The following FMN2 variants were observed in gnomAD, a reference collection of about 807,000 sequenced individuals.
FMN2 encodes the protein formin 2, also known as formin-2.
FMN2 carries 51 observed loss-of-function variants against 142.3 expected under a neutral mutation model. The observed-to-expected ratio is 0.36, with a 90% confidence interval of 0.29 to 0.45. FMN2 has a LOEUF of 0.45. Ranked by LOEUF, FMN2 falls within the 20% of genes least tolerant of loss-of-function variation. The pLI, the probability that FMN2 is intolerant of heterozygous loss-of-function variation, is 1.00. For missense variants in FMN2, 1,936 were observed against 2,122.8 expected, an observed-to-expected ratio of 0.91 and a Z score of 1.73; for synonymous variants, 882 against 869.8, an observed-to-expected ratio of 1.01 and a Z score of -0.25.
At chr1:240,236,061 G>A (rs952231939) in intron 6 of FMN2, among the ~76,000 whole-genome samples, 1 of 152,174 alleles carries the variant, frequency 6.6e-6, no homozygotes, top group Non-Finnish European at 1.5e-5. Context: ...TTTGGAGATA[G>A]ACACAAAGGA....
At chr1:240,309,480 C>G (rs1297822952) in intron 8 of FMN2, among the ~76,000 whole-genome samples, 3 of 152,134 alleles carry the variant, frequency 2.0e-5, no homozygotes, top group Admixed American at 2.0e-4. Context: ...TGCAGGTGCA[C>G]AGTGCGTGGT....
chr1:240,112,070 G>A (rs1661830933), intron 1 of FMN2, among the ~76,000 whole-genome samples: 1 of 151,872 alleles, frequency 6.6e-6, no homozygotes, highest in African/African-American at 2.4e-5. Context: ...AATGACATGG[G>A]CCTTTCCTAG....
chr1:240,210,878 T>A (rs1666664389), intron 5 of FMN2, among the ~76,000 whole-genome samples: 1 of 152,206 alleles, frequency 6.6e-6, no homozygotes, highest in Non-Finnish European at 1.5e-5. Context: ...GGGAAAAATT[T>A]CATTCATGGA....
At chr1:240,124,572 C>T (rs997607418) in intron 2 of FMN2, among the ~76,000 whole-genome samples, 3 of 152,132 alleles carry the variant, frequency 2.0e-5, no homozygotes, top group Non-Finnish European at 2.9e-5. Flanking sequence ...GCCTCTAAAA[C>T]CCAGATGTGT....
chr1:240,214,216 G>C (rs1430989297), intron 6 of FMN2, among the ~76,000 whole-genome samples: 1 of 152,150 alleles, frequency 6.6e-6, no homozygotes, highest in Non-Finnish European at 1.5e-5. Flanking sequence ...AGAATTGTCT[G>C]ATGTAGAACC....
At chr1:240,314,225 A>G (rs1410859836) in intron 8 of FMN2, among the ~76,000 whole-genome samples, 1 of 152,124 alleles carries the variant, frequency 6.6e-6, no homozygotes, top group East Asian at 1.9e-4. Context: ...CACTTTAAGT[A>G]CCAACCTTAA....
At chr1:240,305,551 G>A (rs1316795062) in intron 8 of FMN2, among the ~76,000 whole-genome samples, 1 of 152,190 alleles carries the variant, frequency 6.6e-6, no homozygotes, top group African/African-American at 2.4e-5. Context: ...TAAAGTGGTA[G>A]TTTCCAAGTG....
chr1:240,471,531 C>A (rs1374242035), intron 16 of FMN2: 1 of 152,264 alleles, frequency 6.6e-6, no homozygotes, highest in Non-Finnish European at 1.5e-5. Context: ...CCCGCCACCA[C>A]ACCCAGCTAA....
chr1:240,241,524 C>G (rs1381465410), intron 6 of FMN2, among the ~76,000 whole-genome samples: 3 of 152,142 alleles, frequency 2.0e-5, no homozygotes, highest in African/African-American at 7.2e-5. Context: ...GACAGGAAAT[C>G]CCAGCCTGCC....
At chr1:240,140,117 T>G (rs1297664870) in intron 2 of FMN2, among the ~76,000 whole-genome samples, 1 of 152,178 alleles carries the variant, frequency 6.6e-6, no homozygotes, top group African/African-American at 2.4e-5. Flanking sequence ...TCTCACTTTC[T>G]TTCTTCCTCT....
At chr1:240,260,312 T>A (rs936134810) in intron 7 of FMN2, among the ~76,000 whole-genome samples, 2 of 152,210 alleles carry the variant, frequency 1.3e-5, no homozygotes, top group South Asian at 2.1e-4. Flanking sequence ...CTTTTAGTTA[T>A]TTAAGGAATC....
At chr1:240,323,172 T>C (rs1671037964) in intron 8 of FMN2, among the ~76,000 whole-genome samples, 1 of 151,420 alleles carries the variant, frequency 6.6e-6, no homozygotes, top group Admixed American at 6.6e-5. Context: ...TCTCTCTTTC[T>C]CTCTCTTTTC....
chr1:240,243,488 T>C (rs1252367814), intron 6 of FMN2, among the ~76,000 whole-genome samples: 1 of 152,212 alleles, frequency 6.6e-6, no homozygotes, highest in Non-Finnish European at 1.5e-5. Flanking sequence ...GTTTATTTCT[T>C]ATCGCCTTCT....
intron 16 of FMN2, 122 bp from the exon 17 acceptor site, chr1:240,472,250 A>G (rs1676836858): frequency 1.4e-6 from 1 of 697,864 alleles, no homozygotes. Flanking sequence ...TCTTCTGTGT[A>G]TTGTATTATT....
At chr1:240,196,224 A>G (rs1205681823) in intron 4 of FMN2, among the ~76,000 whole-genome samples, 1 of 152,218 alleles carries the variant, frequency 6.6e-6, no homozygotes, top group Non-Finnish European at 1.5e-5. Flanking sequence ...GGGAATGTAG[A>G]ATGATAGGAA....
rs538626185 is a variant in FMN2 at position 240,405,866 on chromosome 1, T to C, written c.4910+13304T>C. Among the ~76,000 whole-genome samples the C allele has an allele frequency of 8.5e-5, 13 of 152,316 alleles. No homozygotes were observed. The South Asian group carries it at 2.5e-3, about 29-fold the overall frequency. On this transcript the variant is annotated intron_variant, in intron 15 of 17. Transcript: ENST00000319653. ...AGAAATCAGCTTTAGAAGATTGTCATTAGAAGGGCTCATTTGCCTACAAGT... is the reference window on the plus strand; with the variant it reads ...AGAAATCAGCTTTAGAAGATTGTCACTAGAAGGGCTCATTTGCCTACAAGT...
intron 1 of FMN2, among the ~76,000 whole-genome samples, chr1:240,111,232 C>T (rs1034590914): frequency 9.2e-5 from 14 of 152,178 alleles, no homozygotes; most frequent in African/African-American, 3.1e-4. Flanking sequence ...TAAGGCCATA[C>T]CTAGCATAAT....
Position 240,208,435 on chromosome 1 carries a change from C to A in FMN2, c.3623C>A (p.Pro1208Gln). 2 of 1,602,446 alleles carry A rather than the reference C, an allele frequency of 1.2e-6. No homozygotes were observed. The highest frequency in any genetic ancestry group is 1.7e-6 in the Non-Finnish European group (2 of 1,172,238). The stretch of plus-strand genomic sequence containing the variant: ...CCTCTACCTGGTGCTGGGATTCCCC[C>A]ACCTCCTCCCTTGCCAGGTATGGGG... ...PPPLPGAGIPPPPPLPGMGIP... is the reference protein window; with the variant it reads ...PPPLPGAGIPQPPPLPGMGIP... The change falls in exon 5 of 18, where the codon CCA (proline) becomes CAA (glutamine). Residue 1208 changes from proline to glutamine, a missense_variant. Pro to Gln is a moderately conservative substitution (Grantham distance 76). Coordinates refer to ENST00000319653, the MANE Select transcript of FMN2 (RefSeq NM_020066.5).
intron 16 of FMN2, among the ~76,000 whole-genome samples, chr1:240,468,087 C>T (rs1676679152): frequency 6.6e-6 from 1 of 152,130 alleles, no homozygotes; most frequent in Non-Finnish European, 1.5e-5. Flanking sequence ...GAGCCTATCA[C>T]AGATGTCATC....
Sources: gnomAD v4.1 joint callset for allele counts (sites outside exome capture counted in the v4.1 genomes callset) on GRCh38, gnomAD v4.1.1 for gene constraint, MANE v1.5 for transcripts, NCBI Gene and HGNC (gene_info 2026-07-23, HGNC 2026-07-21) for gene names.